Variants in HECW1 observed in about 807,000 individuals in gnomAD.
HECW1 encodes the protein HECT, C2 and WW domain containing E3 ubiquitin protein ligase 1, also known as E3 ubiquitin-protein ligase HECW1.
HECW1 carries 61 observed loss-of-function variants against 182.3 expected under a neutral mutation model. That is an observed-to-expected ratio of 0.33 (90% CI 0.27 to 0.41). HECW1 has a LOEUF of 0.41. Among genes scored for constraint, HECW1 ranks in the 10% least tolerant of loss-of-function variants. HECW1 has a pLI of 1.00. For missense variants in HECW1, 1,739 were observed against 2,108.9 expected (o/e 0.82, Z 3.44); for synonymous variants, 859 against 832.6 (o/e 1.03, Z -0.55).
intron 19 of HECW1, among the ~76,000 whole-genome samples, chr7:43,497,211 C>T (rs1403562223): frequency 6.6e-6 from 1 of 151,990 alleles, no homozygotes; most frequent in Non-Finnish European, 1.5e-5. Flanking sequence ...CCTTGAGATG[C>T]AAAGTGGAGA....
At chr7:43,442,249 G>C (rs1290426480) in intron 9 of HECW1, among the ~76,000 whole-genome samples, 1 of 152,220 alleles carries the variant, frequency 6.6e-6, no homozygotes, top group African/African-American at 2.4e-5. Flanking sequence ...TTTTAAGGTA[G>C]TCTAGGCTAA....
chr7:43,463,610 C>T, intron 13 of HECW1, 50 bp from the exon 14 acceptor site: 1 of 1,578,396 alleles, frequency 6.3e-7, no homozygotes, highest in Non-Finnish European at 8.7e-7. Context: ...TTTTGGCCCC[C>T]AAGGAGCAAA....
intron 17 of HECW1, among the ~76,000 whole-genome samples, chr7:43,489,718 G>A (rs2078856848): frequency 6.6e-6 from 1 of 152,236 alleles, no homozygotes; most frequent in Non-Finnish European, 1.5e-5. Context: ...GAGTGAACTG[G>A]TGGCCCCTGT....
intron 8 of HECW1, among the ~76,000 whole-genome samples, chr7:43,423,017 G>T (rs1462198856): frequency 6.6e-6 from 1 of 152,130 alleles, no homozygotes; most frequent in African/African-American, 2.4e-5. Flanking sequence ...ATCTCTGATT[G>T]GTTTAAGATA....
At chr7:43,500,554 A>T in intron 19 of HECW1, 145 bp from the exon 20 acceptor site, 1 of 672,758 alleles carries the variant, frequency 1.5e-6, no homozygotes, top group South Asian at 1.8e-5. Context: ...CCTGTGATAC[A>T]AACTTAGAAT....
At chr7:43,142,246 G>A (rs1474517300) in intron 2 of HECW1, among the ~76,000 whole-genome samples, 1 of 152,138 alleles carries the variant, frequency 6.6e-6, no homozygotes, top group Non-Finnish European at 1.5e-5. Context: ...GGGGGCCCAT[G>A]GAATCGGGCC....
chr7:43,122,812 T>C (rs560997413), intron 2 of HECW1, among the ~76,000 whole-genome samples: 1 of 152,326 alleles, frequency 6.6e-6, no homozygotes, highest in African/African-American at 2.4e-5. Context: ...GTCCTATATA[T>C]CTATACACAA....
At chr7:43,556,549 A>C (rs1180900734) in intron 29 of HECW1, among the ~76,000 whole-genome samples, 1 of 152,106 alleles carries the variant, frequency 6.6e-6, no homozygotes, top group African/African-American at 2.4e-5. Context: ...TTAGCTGGGC[A>C]TGGTGGCATG....
intron 3 of HECW1, among the ~76,000 whole-genome samples, chr7:43,301,123 A>G (rs1018345775): frequency 2.6e-5 from 4 of 152,050 alleles, no homozygotes; most frequent in African/African-American, 7.2e-5. Flanking sequence ...CCACTCTCCA[A>G]TGGAGAAGGT....
intron 15 of HECW1, 57 bp downstream of exon 15, chr7:43,466,625 CT>C: frequency 6.4e-7 from 1 of 1,568,458 alleles, no homozygotes; most frequent in Non-Finnish European, 8.6e-7. Context: ...CAAAACACAG[CT>C]TTGTAAAGTC....
chr7:43,397,520 A>G (rs2075270473), intron 7 of HECW1, among the ~76,000 whole-genome samples: 1 of 152,190 alleles, frequency 6.6e-6, no homozygotes, highest in South Asian at 2.1e-4. Flanking sequence ...GAGTCAGCAA[A>G]GGGTGGTGGG....
rs1813625300 is a variant in HECW1, at chr7:43,345,907, G to C, written c.461-14979G>C. Among the ~76,000 whole-genome samples the C allele has an allele frequency of 2.6e-5, 4 of 151,936 alleles. No homozygotes were observed. The South Asian group carries it at 8.3e-4, about 32-fold the overall frequency. On this transcript the variant is annotated intron_variant, in intron 5 of 29. Transcript: ENST00000395891. ...GCCACTTGTTGATTGATGGGCATTT[G>C]GGTTGCTTGCACGATTTTGCAATTG...
chr7:43,187,235 TC>T (rs1793495531), intron 2 of HECW1, among the ~76,000 whole-genome samples: 1 of 151,478 alleles, frequency 6.6e-6, no homozygotes, highest in African/African-American at 2.5e-5. Flanking sequence ...AGAGAGCAAG[TC>T]AGAAGTCATG....
chr7:43,364,772 G>T (rs768568530), intron 6 of HECW1, among the ~76,000 whole-genome samples: 60 of 152,196 alleles, frequency 3.9e-4, no homozygotes, highest in Non-Finnish European at 7.8e-4. Context: ...CATACTTTTT[G>T]TGTCTTATTA....
chr7:43,215,143 T>C (rs927864014), intron 2 of HECW1, among the ~76,000 whole-genome samples: 2 of 152,268 alleles, frequency 1.3e-5, no homozygotes, highest in Non-Finnish European at 2.9e-5. Flanking sequence ...TTACTAACAA[T>C]AGCAGCTAAA....
rs1187244975 is a variant in HECW1, at chr7:43,308,107, A to T, written c.28-3656A>T. Among the ~76,000 whole-genome samples the T allele has an allele frequency of 7.8e-4, 81 of 104,270 alleles. 1 individual carries two copies. Among genetic ancestry groups the T allele is most frequent in the African/African-American group, 3.2e-3 (77 of 24,364 alleles). The allele number at this position is 104,270 out of a possible 152,430, so 68.4% of individuals were successfully genotyped here. On this transcript the variant is annotated intron_variant, in intron 3 of 29. Transcript: ENST00000395891. ...ATTATATATTATATATGTTATATAT[A>T]ATATAACATATAATATATTTATATA...
chr7:43,504,115 G>A (rs1414711926), intron 21 of HECW1, among the ~76,000 whole-genome samples: 2 of 152,046 alleles, frequency 1.3e-5, no homozygotes, highest in Non-Finnish European at 2.9e-5. Context: ...AAGGCCTGTG[G>A]CCCCTGCCTT....
rs182837496 is a variant in HECW1, at chr7:43,312,654, A to G, written c.352+567A>G. 3.9e-5 allele frequency among the ~76,000 whole-genome samples: 6 copies of G among 152,312 alleles called. No homozygotes were observed. The East Asian group carries it at 1.2e-3, about 29-fold the overall frequency. The stretch of plus-strand genomic sequence containing the variant: ...CCAAAGTTGAAAGTTTACTAGAAGA[A>G]ATTGTTCTATGTGAATTTTCTCAGG... On this transcript the variant is annotated intron_variant, in intron 4 of 29. Coordinates refer to ENST00000395891, the MANE Select transcript of HECW1 (RefSeq NM_015052.5).
intron 26 of HECW1, among the ~76,000 whole-genome samples, chr7:43,549,458 C>T (rs2081709579): frequency 6.6e-6 from 1 of 152,206 alleles, no homozygotes; most frequent in Admixed American, 6.5e-5. Context: ...AGTGATGCCT[C>T]ATTTGTCTTG....
Sources: gnomAD v4.1 joint callset for allele counts (sites outside exome capture counted in the v4.1 genomes callset) on GRCh38, gnomAD v4.1.1 for gene constraint, MANE v1.5 for transcripts, NCBI Gene and HGNC (gene_info 2026-07-23, HGNC 2026-07-21) for gene names.